The following IGSF23 variants were observed in gnomAD, a reference collection of about 807,000 sequenced individuals.
IGSF23 encodes immunoglobulin superfamily member 23.
A neutral mutation model predicts 17.8 loss-of-function variants in IGSF23; 14 were observed. That is an observed-to-expected ratio of 0.79 (90% CI 0.52 to 1.23). IGSF23 has a LOEUF of 1.23. IGSF23 is among the 50% of genes most tolerant of loss of function. IGSF23 has a pLI of 0.00. For missense variants in IGSF23, 214 were observed against 241.7 expected, an observed-to-expected ratio of 0.89 and a Z score of 0.76; for synonymous variants, 85 against 92.5, an observed-to-expected ratio of 0.92 and a Z score of 0.46.
chr19:44,627,835 C>T (rs1972688065), intron 3 of IGSF23, among the ~76,000 whole-genome samples: 2 of 152,196 alleles, frequency 1.3e-5, no homozygotes, highest in Non-Finnish European at 2.9e-5. Flanking sequence ...GTGGGCAAGC[C>T]ACTCCCCTTC....
In IGSF23 at chr19:44,623,833, C is replaced by T; in HGVS notation, c.252C>T (p.Thr84=). ...TMDPEPVLSW[T]FSGVPCGMGE... is the part of the protein sequence containing the mutation. The stretch of plus-strand genomic sequence containing the variant: ...ACCCTGAGCCTGTGCTGAGCTGGAC[C>T]TTCAGTGGGGTGCCCTGTGGGATGG... Residue 84 remains threonine (T), a synonymous_variant, in exon 2 of 5, where the codon ACC becomes ACT. Transcript: ENST00000402988. 1.3e-6 allele frequency: 2 copies of T among 1,550,906 alleles called. No homozygotes were observed.
intron 1 of IGSF23, among the ~76,000 whole-genome samples, chr19:44,621,262 G>T (rs1433985756): frequency 6.9e-6 from 1 of 144,108 alleles, no homozygotes; most frequent in African/African-American, 2.6e-5. Flanking sequence ...CAGCCTGGGG[G>T]ACACAGCAAG....
At chr19:44,620,303 G>C (rs987440991) in intron 1 of IGSF23, among the ~76,000 whole-genome samples, 1 of 150,948 alleles carries the variant, frequency 6.6e-6, no homozygotes, top group Non-Finnish European at 1.5e-5. Context: ...GACCGCTGAG[G>C]TTCATCCATC....
At chr19:44,614,964 T>C (rs1972336452) in intron 1 of IGSF23, among the ~76,000 whole-genome samples, 1 of 152,124 alleles carries the variant, frequency 6.6e-6, no homozygotes, top group Non-Finnish European at 1.5e-5. Flanking sequence ...TCTCAGATAG[T>C]GAATGAATTG....
intron 1 of IGSF23, among the ~76,000 whole-genome samples, chr19:44,616,844 T>C (rs937634917): frequency 2.0e-5 from 3 of 149,350 alleles, no homozygotes; most frequent in Non-Finnish European, 4.4e-5. Context: ...AATATATATA[T>C]ATGAGTATAT....
At chr19:44,631,432 A>G (rs1972764008) in intron 3 of IGSF23, among the ~76,000 whole-genome samples, 1 of 152,148 alleles carries the variant, frequency 6.6e-6, no homozygotes, top group African/African-American at 2.4e-5. Flanking sequence ...TACTAAAAAC[A>G]CAAAAATTAA....
intron 1 of IGSF23, chr19:44,613,971 G>A (rs1307402710): frequency 2.6e-6 from 4 of 1,537,734 alleles, no homozygotes; most frequent in Admixed American, 2.0e-5. Flanking sequence ...ACCCCTACCT[G>A]GAGGAAGCTG....
At chr19:44,617,164 C>A in intron 1 of IGSF23, among the ~76,000 whole-genome samples, 1 of 135,162 alleles carries the variant, frequency 7.4e-6, no homozygotes. Flanking sequence ...CCCCTCCCCC[C>A]GCCCCCGCAA....
chr19:44,632,916 T>C (rs1972800065), intron 3 of IGSF23, among the ~76,000 whole-genome samples: 1 of 152,262 alleles, frequency 6.6e-6, no homozygotes, highest in Non-Finnish European at 1.5e-5. Context: ...CATTTTCAAT[T>C]AACTGTGTGG....
chr19:44,613,667 C>T lies in IGSF23; in HGVS notation c.22C>T (p.Pro8Ser). 1 of 1,549,576 alleles carries T rather than the reference C, an allele frequency of 6.5e-7. No homozygotes were observed. The highest frequency in any genetic ancestry group is 1.2e-5 in the South Asian group (1 of 83,966). The part of the protein sequence containing the change: MRAKPQS[P>S]LPRNPVPAWS... ...GAGAATGAGAGCAAAACCTCAGAGC[C>T]CCCTTCCCAGGAACCCTGTCCCAGC... is the stretch of plus-strand genomic sequence containing the variant. The change falls in exon 1 of 5, where the codon CCC becomes TCC. Residue 8 changes from proline (P) to serine (S), a missense_variant. Transcript: ENST00000402988.
chr19:44,618,608 T>C (rs1972441893), intron 1 of IGSF23, among the ~76,000 whole-genome samples: 1 of 152,194 alleles, frequency 6.6e-6, no homozygotes, highest in Non-Finnish European at 1.5e-5. Flanking sequence ...GTCTGGGTGT[T>C]GGCTGGTCCA....
intron 4 of IGSF23, among the ~76,000 whole-genome samples, chr19:44,636,113 A>G (rs1234559915): frequency 2.0e-5 from 3 of 152,208 alleles, no homozygotes; most frequent in African/African-American, 7.2e-5. Context: ...CAAGAGTAAC[A>G]GCAGAAACTT....
chr19:44,618,894 T>C (rs1482186232), intron 1 of IGSF23, among the ~76,000 whole-genome samples: 1 of 151,212 alleles, frequency 6.6e-6, no homozygotes, highest in Non-Finnish European at 1.5e-5. Context: ...AGGAGAGGAG[T>C]TGCAATGTGT....
intron 3 of IGSF23, among the ~76,000 whole-genome samples, chr19:44,635,130 TCTCA>T (rs1302999555): frequency 6.6e-6 from 1 of 152,202 alleles, no homozygotes; most frequent in Non-Finnish European, 1.5e-5. Flanking sequence ...AAGGCCACCT[TCTCA>T]CTGTGTCCTC....
At chr19:44,631,290 A>G (rs1262075805) in intron 3 of IGSF23, among the ~76,000 whole-genome samples, 2 of 151,354 alleles carry the variant, frequency 1.3e-5, no homozygotes, top group Non-Finnish European at 2.9e-5. Flanking sequence ...TTAATTGAAA[A>G]TAAAAATTAA....
intron 3 of IGSF23, among the ~76,000 whole-genome samples, chr19:44,630,810 C>A (rs846866): frequency 0.14 from 20,959 of 152,170 alleles, 1,690 homozygotes; most frequent in East Asian, 0.34. Flanking sequence ...TGCATGCCTA[C>A]CATGCCCACC....
intron 2 of IGSF23, among the ~76,000 whole-genome samples, chr19:44,624,177 CTTCTTCTTCTTTTCT>C (rs1034576864): frequency 6.6e-6 from 1 of 151,992 alleles, no homozygotes; most frequent in Non-Finnish European, 1.5e-5. Flanking sequence ...CTTCTTTCCT[CTTCTTCTTCTTTTCT>C]TTCTTCTTCT....
rs138264414 is a variant in IGSF23, at chr19:44,619,458, T to C, written c.126-4249T>C. Among the ~76,000 whole-genome samples the C allele has an allele frequency of 7.7e-4, 117 of 152,320 alleles. 4 individuals are homozygous for C. In the East Asian group the frequency reaches 0.015, roughly 20 times the overall value. ...ATTTTTATCACCTGGACTCAAACTTTCATATCTGAATTAGGAAAACAAAGC... is the reference window on the plus strand; with the variant it reads ...ATTTTTATCACCTGGACTCAAACTTCCATATCTGAATTAGGAAAACAAAGC... On this transcript the variant is annotated intron_variant, in intron 1 of 4. Coordinates refer to ENST00000402988, the MANE Select transcript of IGSF23 (RefSeq NM_001205280.2).
chr19:44,635,650 C>A (rs756663923), intron 4 of IGSF23, among the ~76,000 whole-genome samples, 185 bp downstream of exon 4: 1 of 152,180 alleles, frequency 6.6e-6, no homozygotes, highest in African/African-American at 2.4e-5. Flanking sequence ...AGCACCCCAT[C>A]TGCCCAGCTC....
Sources: gnomAD v4.1 joint callset for allele counts (sites outside exome capture counted in the v4.1 genomes callset) on GRCh38, gnomAD v4.1.1 for gene constraint, MANE v1.5 for transcripts, NCBI Gene and HGNC (gene_info 2026-07-23, HGNC 2026-07-21) for gene names.